SPTAN1: variants seen among roughly 807,000 people sequenced by gnomAD.
SPTAN1 encodes spectrin alpha, non-erythrocytic 1.
SPTAN1 carries 61 observed loss-of-function variants against 331.3 expected under a neutral mutation model. The observed-to-expected ratio is 0.18, with a 90% CI of 0.15 to 0.23. The LOEUF is 0.23. SPTAN1 is among the 10% of genes least tolerant of loss of function. The pLI is 1.00. For synonymous variants in SPTAN1, 1,153 were observed against 1,173.9 expected, an observed-to-expected ratio of 0.98 and a Z score of 0.36; for missense variants, 2,043 against 3,147.9, an observed-to-expected ratio of 0.65 and a Z score of 8.40.
At chr9:128,570,041 C>T (rs1850470172) in intron 3 of SPTAN1, among the ~76,000 whole-genome samples, 1 of 152,038 alleles carries the variant, frequency 6.6e-6, no homozygotes, top group Non-Finnish European at 1.5e-5. Flanking sequence ...CAATTAAATA[C>T]AGATATTTAT....
In SPTAN1 at chr9:128,566,824, C is replaced by T. The variant is rs1447324542; in HGVS notation, c.84C>T (p.Arg28=). ...AGCAGGTCCTAGACCGATACCACCG[C>T]TTCAAGGAACTCTCAACCCTTAGGC... is the stretch of plus-strand genomic sequence containing the variant. The part of the protein sequence containing the change: ...RRQQVLDRYH[R]FKELSTLRRQ... The change falls in exon 2 of 57, where the codon CGC becomes CGT. Residue 28 remains arginine, a synonymous_variant. Transcript: ENST00000372739. The T allele has an allele frequency of 3.7e-6, 6 of 1,614,102 alleles. No homozygotes were observed. The highest frequency in any genetic ancestry group is 3.4e-6 in the Non-Finnish European group (4 of 1,180,048).
At chr9:128,593,301 T>C in intron 23 of SPTAN1, 2 of 554,712 alleles carry the variant, frequency 3.6e-6, no homozygotes, top group Non-Finnish European at 6.7e-6. Context: ...CCTGTTGGTT[T>C]TTGTGGTGGA....
At chr9:128,616,044 C>G (rs1246748570) in intron 41 of SPTAN1, among the ~76,000 whole-genome samples, 1 of 152,080 alleles carries the variant, frequency 6.6e-6, no homozygotes, top group Non-Finnish European at 1.5e-5. Context: ...TCCATGCTGG[C>G]TACATAGGCC....
intron 1 of SPTAN1, 132 bp from the exon 2 acceptor site, chr9:128,566,606 A>G: frequency 7.4e-7 from 1 of 1,357,684 alleles, no homozygotes; most frequent in Non-Finnish European, 1.0e-6. Context: ...GTTCCTAAGA[A>G]GGGGCTGTCT....
chr9:128,555,409 G>A (rs564569351), intron 1 of SPTAN1: 12 of 1,289,150 alleles, frequency 9.3e-6, no homozygotes, highest in African/African-American at 3.0e-5. Flanking sequence ...GGTATTTGAC[G>A]AGCATGCAGA....
At chr9:128,616,862 G>C (rs1857230484) in intron 41 of SPTAN1, among the ~76,000 whole-genome samples, 1 of 152,224 alleles carries the variant, frequency 6.6e-6, no homozygotes. Flanking sequence ...AACCTGGGAA[G>C]TGGAGATTTC....
intron 34 of SPTAN1, among the ~76,000 whole-genome samples, chr9:128,608,490 G>C (rs754451902): frequency 1.4e-3 from 217 of 152,272 alleles, no homozygotes; most frequent in Middle Eastern, 3.4e-3. Flanking sequence ...TCAAAGGGAT[G>C]GAAAACAAAT....
At chr9:128,558,539 C>G (rs1848921828) in intron 1 of SPTAN1, among the ~76,000 whole-genome samples, 1 of 152,168 alleles carries the variant, frequency 6.6e-6, no homozygotes, top group African/African-American at 2.4e-5. Context: ...AGGAAGTCGT[C>G]TCTGTTGTGG....
Position 128,627,337 on chromosome 9 carries a change from G to T in SPTAN1, c.6577-49G>T. The T allele has an allele frequency of 1.3e-6, 2 of 1,502,930 alleles. No individual in the cohort carries two copies. Among genetic ancestry groups the T allele is most frequent in the Non-Finnish European group, 1.8e-6 (2 of 1,104,118 alleles). The allele number at this position is 1,502,930 out of a possible 1,614,324, so 93.1% of individuals were successfully genotyped here. On this transcript the variant is annotated intron_variant, in intron 49 of 56. Coordinates refer to ENST00000372739, the MANE Select transcript of SPTAN1 (RefSeq NM_001130438.3). This position sits in a 1 kb window ranked among gnomAD's most constrained non-coding sequence, Gnocchi z 4.9. ...GAGCCCATCTGTGAAGGAGGGGCTG[G>T]TGTCACTGCCACAGCAGCGCACAGC...
intron 9 of SPTAN1, among the ~76,000 whole-genome samples, chr9:128,578,701 C>T (rs1008118044): frequency 3.9e-5 from 6 of 151,990 alleles, no homozygotes; most frequent in South Asian, 2.1e-4. Context: ...TGGTGGCACG[C>T]GCCTGTAGTC....
chr9:128,579,514 T>C, intron 9 of SPTAN1, 123 bp from the exon 10 acceptor site: 1 of 755,778 alleles, frequency 1.3e-6, no homozygotes, highest in Admixed American at 2.1e-5. Flanking sequence ...GCCTAATCTT[T>C]CATTTTGTTT....
At chr9:128,593,738 T>G (rs1412321235) in intron 23 of SPTAN1, 1 of 250,880 alleles carries the variant, frequency 4.0e-6, no homozygotes, top group East Asian at 8.9e-5. Context: ...CAGTGTACCC[T>G]CCCCCACCTC....
At position 128,632,068 on chromosome 9, in the gene SPTAN1, T is replaced by C. The variant is rs553072219; in HGVS notation, c.6763-59T>C. ...GAACCAGAGGGCAGTAAGTGGCTCC[T>C]GGGCTGGTGACTGAGCTGAGGGCCC... On this transcript the variant is annotated intron_variant, in intron 52 of 56. Coordinates refer to ENST00000372739, the MANE Select transcript of SPTAN1 (RefSeq NM_001130438.3). 30 of 1,581,110 alleles carry C rather than the reference T, an allele frequency of 1.9e-5. No homozygotes were observed. In the African/African-American group the frequency reaches 3.9e-4, roughly 21 times the overall value.
intron 31 of SPTAN1, among the ~76,000 whole-genome samples, chr9:128,607,085 TGG>T (rs1855993648): frequency 6.6e-6 from 1 of 152,236 alleles, no homozygotes; most frequent in Non-Finnish European, 1.5e-5. Context: ...TGTGCCCTTG[TGG>T]TTGTACAGCT....
chr9:128,628,037 C>A, intron 51 of SPTAN1, 95 bp downstream of exon 51: 1 of 1,493,300 alleles, frequency 6.7e-7, no homozygotes, highest in Non-Finnish European at 9.3e-7. Flanking sequence ...CCGGGATGGG[C>A]CTTCCTGCCC....
At chr9:128,568,669 A>G (rs1850311567) in intron 2 of SPTAN1, 103 bp from the exon 3 acceptor site, 1 of 1,500,046 alleles carries the variant, frequency 6.7e-7, no homozygotes, top group South Asian at 1.2e-5. Context: ...ATCCCTAACT[A>G]GAGGGAGCAG....
chr9:128,581,639 T>TC, intron 11 of SPTAN1, 143 bp from the exon 12 acceptor site: 1 of 747,650 alleles, frequency 1.3e-6, no homozygotes, highest in Non-Finnish European at 2.4e-6. Flanking sequence ...ACTTTAGACT[T>TC]CCTAGAAGAG....
At chr9:128,628,113 T>C (rs761301676) in intron 51 of SPTAN1, 171 bp downstream of exon 51, 9 of 873,572 alleles carry the variant, frequency 1.0e-5, no homozygotes, top group Admixed American at 5.2e-5. Flanking sequence ...CCTTGCCCCA[T>C]AGCCCATGGT....
intron 48 of SPTAN1, chr9:128,626,180 C>A: frequency 2.3e-6 from 2 of 881,390 alleles, no homozygotes; most frequent in South Asian, 1.6e-5. Context: ...GCACGCAGGA[C>A]AGACTAGAGA....
Sources: allele counts gnomAD v4.1 joint callset (sites outside exome capture counted in the v4.1 genomes callset), GRCh38; gene constraint gnomAD v4.1.1; non-coding constraint Gnocchi (gnomAD v3.1); transcripts MANE v1.5; gene names NCBI Gene and HGNC (gene_info 2026-07-23, HGNC 2026-07-21).